The following PPA2 variants were observed in gnomAD, a reference collection of about 807,000 sequenced individuals.
PPA2 encodes inorganic pyrophosphatase 2, also known as inorganic pyrophosphatase 2, mitochondrial.
Under a neutral mutation model 49.5 loss-of-function variants are expected in PPA2, and 48 were observed. The ratio of observed to expected loss-of-function variants is 0.97; its 90% CI spans 0.77 to 1.23. The LOEUF is 1.23. Among genes scored for constraint, PPA2 ranks in the 50% most tolerant of loss-of-function variants. The pLI is 0.00. For missense variants in PPA2, 429 were observed against 410.1 expected (o/e 1.05, Z -0.40); for synonymous variants, 131 against 139.9 (o/e 0.94, Z 0.45).
chr4:105,424,311 A>G lies in PPA2; in HGVS notation c.540T>C (p.Cys180=). 2 of 1,591,896 alleles carry G rather than the reference A, an allele frequency of 1.3e-6. No individual in the cohort carries two copies. The highest frequency in any genetic ancestry group is 1.2e-5 in the South Asian group (1 of 86,412). Residue 180 remains cysteine (C), a synonymous_variant, in exon 7 of 12, where the codon TGT becomes TGC. Coordinates refer to ENST00000341695, the MANE Select transcript of PPA2 (RefSeq NM_176869.3). ...GGATCTTCACATGAATAACTTCTCCACAAGAAAGAATCTTTAAAGAAAAAA... is the reference window on the plus strand; with the variant it reads ...GGATCTTCACATGAATAACTTCTCCGCAAGAAAGAATCTTTAAAGAAAAAA... ...VCEIGSKILS[C]GEVIHVKILG...
At chr4:105,373,169 T>C (rs1230179453) in intron 10 of PPA2, among the ~76,000 whole-genome samples, 1 of 152,072 alleles carries the variant, frequency 6.6e-6, no homozygotes, top group East Asian at 1.9e-4. Context: ...CATCCTTTAG[T>C]TTTTCCAAGT....
At chr4:105,396,418 C>A in intron 8 of PPA2, 84 bp from the exon 9 acceptor site, 1 of 929,062 alleles carries the variant, frequency 1.1e-6, no homozygotes, top group South Asian at 2.0e-5. Flanking sequence ...CTTGTGATGA[C>A]AGTTAATTGT....
At chr4:105,453,324 G>A (rs1722745481) in intron 3 of PPA2, among the ~76,000 whole-genome samples, 4 of 152,174 alleles carry the variant, frequency 2.6e-5, no homozygotes, top group Non-Finnish European at 2.9e-5. Context: ...GGATGGTGAT[G>A]AGGATTCCAC....
chr4:105,416,306 T>G (rs1466322080), intron 7 of PPA2, among the ~76,000 whole-genome samples: 1 of 152,214 alleles, frequency 6.6e-6, no homozygotes, highest in Non-Finnish European at 1.5e-5. Flanking sequence ...TTTTTATTTT[T>G]AGATAAAAAC....
At chr4:105,437,832 AC>A (rs1396046804) in intron 6 of PPA2, 117 bp downstream of exon 6, 7 of 702,330 alleles carry the variant, frequency 1.0e-5, no homozygotes, top group Non-Finnish European at 1.6e-5. Flanking sequence ...GGGACTGATA[AC>A]AGAGAAATCA....
chr4:105,390,750 G>C (rs60699326), intron 9 of PPA2, among the ~76,000 whole-genome samples: 2 of 152,200 alleles, frequency 1.3e-5, no homozygotes, highest in African/African-American at 4.8e-5. Context: ...GTGTAAATTA[G>C]TTCAACCATT....
intron 9 of PPA2, among the ~76,000 whole-genome samples, chr4:105,388,825 C>CAAAAAAAA (rs771537412): frequency 3.5e-5 from 2 of 56,874 alleles, no homozygotes; most frequent in African/African-American, 5.1e-5. Flanking sequence ...GCAACGTCTC[C>CAAAAAAAA]AAAAAAAAAA....
At chr4:105,423,313 G>A (rs531083598) in intron 7 of PPA2, 1 of 152,244 alleles carries the variant, frequency 6.6e-6, no homozygotes. Context: ...CATTGTTAAT[G>A]AGGTTCAGTC....
chr4:105,469,015 T>G (rs1354570544), intron 1 of PPA2, among the ~76,000 whole-genome samples: 1 of 152,232 alleles, frequency 6.6e-6, no homozygotes, highest in African/African-American at 2.4e-5. Context: ...GCTTCATTAA[T>G]AACCATATCT....
chr4:105,398,283 C>A (rs907821161), intron 8 of PPA2: 5 of 151,614 alleles, frequency 3.3e-5, no homozygotes, highest in Non-Finnish European at 7.4e-5. Context: ...TTAATAATCC[C>A]AGACAAAGCC....
intron 6 of PPA2, among the ~76,000 whole-genome samples, chr4:105,431,929 G>A (rs72950555): frequency 6.6e-6 from 1 of 152,142 alleles, no homozygotes; most frequent in Non-Finnish European, 1.5e-5. Context: ...GCCAGTTAGA[G>A]AATGAAATGG....
intron 2 of PPA2, 33 bp downstream of exon 2, chr4:105,456,648 C>T (rs757793928): frequency 2.2e-5 from 34 of 1,520,460 alleles, no homozygotes; most frequent in African/African-American, 1.1e-4. Flanking sequence ...TGGCAGTACA[C>T]GTTTTCATTC....
intron 7 of PPA2, 91 bp downstream of exon 7, chr4:105,424,095 TAAAAAGTACA>T: frequency 8.0e-7 from 1 of 1,246,180 alleles, no homozygotes; most frequent in Non-Finnish European, 1.1e-6. Flanking sequence ...CTCTCTTTTT[TAAAAAGTACA>T]TTTAACTCCC....
intron 7 of PPA2, among the ~76,000 whole-genome samples, chr4:105,418,035 T>C (rs1163847111): frequency 6.6e-6 from 1 of 152,226 alleles, no homozygotes; most frequent in African/African-American, 2.4e-5. Flanking sequence ...CTTATCTTCA[T>C]TGAAGTTGTG....
chr4:105,402,596 C>T (rs370155548), intron 7 of PPA2, among the ~76,000 whole-genome samples: 175 of 152,172 alleles, frequency 1.2e-3, no homozygotes, highest in African/African-American at 4.0e-3. Context: ...TTAGGAGATA[C>T]GATTAGAGAA....
At chr4:105,393,016 G>A (rs2110385807) in intron 9 of PPA2, among the ~76,000 whole-genome samples, 1 of 152,208 alleles carries the variant, frequency 6.6e-6, no homozygotes, top group South Asian at 2.1e-4. Context: ...GAAATGAGAA[G>A]ACAATCATGG....
chr4:105,403,885 T>C (rs1468027060), intron 7 of PPA2, among the ~76,000 whole-genome samples: 2 of 151,818 alleles, frequency 1.3e-5, no homozygotes, highest in Non-Finnish European at 2.9e-5. Flanking sequence ...AAAATCTAAT[T>C]GGAAAATTCT....
chr4:105,370,223 C>T (rs1732967607), intron 11 of PPA2, among the ~76,000 whole-genome samples: 1 of 152,172 alleles, frequency 6.6e-6, no homozygotes, highest in African/African-American at 2.4e-5. Flanking sequence ...ACATGTCATA[C>T]TTGACTCACA....
At position 105,456,713 on chromosome 4, in the gene PPA2, GA is replaced by G; in HGVS notation, c.189del (p.His64MetfsTer5). The G allele has an allele frequency of 6.2e-7, 1 of 1,607,712 alleles. No homozygotes were observed. Among genetic ancestry groups the G allele is most frequent in the Non-Finnish European group, 8.5e-7 (1 of 1,176,670 alleles). Reference protein sequence around the residue: ...KNVTGHYISPFHDIPLKVNSK... With the variant: ...KNVTGHYISPXHDIPLKVNSK... ...GAGTTCACCTTCAGAGGAATATCAT[GA>G]AAGGGGGAAATGTAGTGACCAGTTA... On this transcript the variant is annotated frameshift_variant, in exon 2 of 12. Transcript: ENST00000341695. LOFTEE classifies it high-confidence loss of function.
Sources: gnomAD v4.1 joint callset for allele counts (sites outside exome capture counted in the v4.1 genomes callset) on GRCh38, gnomAD v4.1.1 for gene constraint, MANE v1.5 for transcripts, NCBI Gene and HGNC (gene_info 2026-07-23, HGNC 2026-07-21) for gene names.